Variants in VIT observed in about 807,000 individuals in gnomAD.
VIT encodes the protein vitrin.
A neutral mutation model predicts 78.0 loss-of-function variants in VIT; 99 were observed. The ratio of observed to expected loss-of-function variants is 1.27; its 90% CI spans 1.08 to 1.50. The LOEUF is 1.50. VIT is among the 40% of genes most tolerant of loss of function. VIT has a pLI of 0.00. For missense variants in VIT, 1,126 were observed against 875.3 expected, an observed-to-expected ratio of 1.29 and a Z score of -3.61; for synonymous variants, 374 against 334.3, an observed-to-expected ratio of 1.12 and a Z score of -1.29.
At position 36,704,098 on chromosome 2, in the gene VIT, G is replaced by A. The variant is rs1472561912; in HGVS notation, c.-19+7125G>A. Among the ~76,000 whole-genome samples the A allele has an allele frequency of 2.0e-5, 3 of 152,084 alleles. No homozygotes were observed. The East Asian group carries it at 5.8e-4, about 29-fold the overall frequency. On this transcript the variant is annotated intron_variant, in intron 1 of 15. Coordinates refer to ENST00000379242, the MANE Select transcript of VIT (RefSeq NM_053276.4). ...ACGCCACCATGCCTGGCTAATTTTT[G>A]TATTTTTAGTAGAGCTGGGGTTTCA... is the stretch of plus-strand genomic sequence containing the variant.
At chr2:36,782,681 T>C (rs973432832) in intron 10 of VIT, among the ~76,000 whole-genome samples, 1 of 152,184 alleles carries the variant, frequency 6.6e-6, no homozygotes, top group African/African-American at 2.4e-5. Context: ...TTGGCTCCCA[T>C]GTACATGGCT....
intron 3 of VIT, among the ~76,000 whole-genome samples, chr2:36,731,328 C>T (rs1667194814): frequency 6.6e-6 from 1 of 151,986 alleles, no homozygotes; most frequent in Non-Finnish European, 1.5e-5. Context: ...GGCTGGAGTG[C>T]AGTGGCGCAA....
At chr2:36,700,611 G>C (rs1242262568) in intron 1 of VIT, among the ~76,000 whole-genome samples, 2 of 152,016 alleles carry the variant, frequency 1.3e-5, no homozygotes, top group African/African-American at 4.8e-5. Flanking sequence ...GCATGGCTGT[G>C]CTCGCCTGTA....
At chr2:36,781,008 C>CT (rs1427335754) in intron 9 of VIT, among the ~76,000 whole-genome samples, 2 of 135,050 alleles carry the variant, frequency 1.5e-5, no homozygotes, top group Non-Finnish European at 3.2e-5. Flanking sequence ...CCCTCCACCC[C>CT]TTCTACTTCA....
intron 9 of VIT, 111 bp from the exon 10 acceptor site, chr2:36,781,616 T>A: frequency 8.1e-7 from 1 of 1,240,206 alleles, no homozygotes; most frequent in Non-Finnish European, 1.2e-6. Context: ...TGTTCCTTTA[T>A]TGAACTTTCA....
intron 1 of VIT, among the ~76,000 whole-genome samples, chr2:36,703,982 T>A (rs1665248487): frequency 6.9e-6 from 1 of 144,486 alleles, no homozygotes. Flanking sequence ...TGGAGTGCAG[T>A]GGCACGATCT....
At chr2:36,777,226 A>C (rs2148611747) in intron 9 of VIT, among the ~76,000 whole-genome samples, 1 of 151,704 alleles carries the variant, frequency 6.6e-6, no homozygotes, top group Middle Eastern at 3.4e-3. Flanking sequence ...AATAGATATA[A>C]CTCGTACAAA....
intron 14 of VIT, among the ~76,000 whole-genome samples, chr2:36,808,103 A>G (rs141429181): frequency 2.0e-5 from 3 of 152,318 alleles, no homozygotes; most frequent in East Asian, 1.9e-4. Context: ...TAGTCCTCTC[A>G]TGCCATGGTA....
In VIT at chr2:36,729,360, A is replaced by C. The variant is rs545178774; in HGVS notation, c.53-66A>C. On this transcript the variant is annotated intron_variant, in intron 2 of 15. Coordinates refer to ENST00000379242, the MANE Select transcript of VIT (RefSeq NM_053276.4). ...TTTGTGGATGATCGAAGCAAGTATG[A>C]GTCAAAAGAGAAAGAATTTAAGTAA... 26 of 1,388,436 alleles carry C rather than the reference A, an allele frequency of 1.9e-5. No homozygotes were observed. In the South Asian group the frequency reaches 3.4e-4, roughly 18 times the overall value. The allele number at this position is 1,388,436 out of a possible 1,614,324, so 86.0% of individuals were successfully genotyped here. A position where few individuals can be genotyped will look rare whatever the true frequency, so the allele number is the denominator to read the frequency against.
At chr2:36,751,286 C>T (rs1668445529) in intron 4 of VIT, among the ~76,000 whole-genome samples, 1 of 152,184 alleles carries the variant, frequency 6.6e-6, no homozygotes, top group Non-Finnish European at 1.5e-5. Flanking sequence ...ATGCCAGCTA[C>T]TCAGGAGGCT....
intron 7 of VIT, among the ~76,000 whole-genome samples, chr2:36,770,098 C>T (rs548095674): frequency 5.3e-5 from 8 of 152,172 alleles, no homozygotes; most frequent in Non-Finnish European, 1.2e-4. Context: ...GGTTCTAGAA[C>T]TGGTTGTGGA....
intron 5 of VIT, among the ~76,000 whole-genome samples, chr2:36,757,459 A>C (rs1461540804): frequency 2.8e-5 from 1 of 36,008 alleles, no homozygotes; most frequent in Non-Finnish European, 7.3e-5. Context: ...TCTGAATAGA[A>C]ACAGAAAAAA....
Position 36,814,376 on chromosome 2 carries a change from G to A in VIT, c.*15G>A, listed in dbSNP as rs748364122. On this transcript the variant is annotated 3_prime_UTR_variant, in exon 16 of 16. Transcript: ENST00000379242. ...CTCGGAACTGAATTCAGAGCAGGCAGAGCACCAGCAAGTGCTGCTTTACTA... is the reference window on the plus strand; with the variant it reads ...CTCGGAACTGAATTCAGAGCAGGCAAAGCACCAGCAAGTGCTGCTTTACTA... 2 of 1,613,388 alleles carry A rather than the reference G, an allele frequency of 1.2e-6. No individual in the cohort carries two copies. The highest frequency in any genetic ancestry group is 4.5e-5 in the East Asian group (2 of 44,878).
rs796187103 is a variant in VIT, at chr2:36,806,982, G to A, written c.1389+1318G>A. Among the ~76,000 whole-genome samples, 7 of 152,090 alleles carry A rather than the reference G, an allele frequency of 4.6e-5. No homozygotes were observed. In the East Asian group the frequency reaches 7.7e-4, roughly 17 times the overall value. ...ACAAGCCAAGTTCATCATCCTTCCC[G>A]CTGAACTGTTTCCTCCTCTGGACTT... On this transcript the variant is annotated intron_variant, in intron 14 of 15. Coordinates refer to ENST00000379242, the MANE Select transcript of VIT (RefSeq NM_053276.4).
Position 36,775,045 on chromosome 2 carries a change from T to G in VIT, c.780T>G (p.Pro260=), listed in dbSNP as rs1430503142. Residue 260 remains proline, a synonymous_variant, in exon 9 of 16, where the codon CCT becomes CCG. Coordinates refer to ENST00000379242, the MANE Select transcript of VIT (RefSeq NM_053276.4). ...QDPSGAAFQK[P]VGADVSLGEM... is the part of the protein sequence containing the mutation. Reference sequence around the variant, plus strand: ...CTTCAGGAGCTGCCTTCCAGAAACCTGTTGGAGCGGATGTCAGCCTGGGTA... The same window carrying G: ...CTTCAGGAGCTGCCTTCCAGAAACCGGTTGGAGCGGATGTCAGCCTGGGTA... The G allele has an allele frequency of 6.2e-7, 1 of 1,614,076 alleles. No individual in the cohort carries two copies. The highest frequency in any genetic ancestry group is 1.7e-5 in the Admixed American group (1 of 60,020).
Position 36,756,897 on chromosome 2 carries a change from T to C in VIT, c.409+1843T>C, listed in dbSNP as rs142267549. On this transcript the variant is annotated intron_variant, in intron 5 of 15. Transcript: ENST00000379242. ...TCTCAACAGAGGTTTAAAAGAAAAA[T>C]TAATTCTATGGCAGTAGAGATGTTT... 1.7e-3 allele frequency among the ~76,000 whole-genome samples: 265 copies of C among 152,258 alleles called. 3 individuals carry two copies. Among genetic ancestry groups the C allele is most frequent in the African/African-American group, 6.1e-3 (252 of 41,542 alleles).
At chr2:36,813,552 C>A (rs1444008867) in intron 15 of VIT, among the ~76,000 whole-genome samples, 1 of 152,112 alleles carries the variant, frequency 6.6e-6, no homozygotes, top group African/African-American at 2.4e-5. Flanking sequence ...ATCTTGGAAG[C>A]CTTTCTTCAT....
chr2:36,748,163 A>G (rs999762744), intron 4 of VIT, among the ~76,000 whole-genome samples: 2 of 152,038 alleles, frequency 1.3e-5, no homozygotes, highest in African/African-American at 4.8e-5. Flanking sequence ...TTTTTCTTTC[A>G]CTTTGACCTT....
chr2:36,808,614 T>C lies in VIT; in HGVS notation c.1532T>C (p.Ile511Thr). The C allele has an allele frequency of 6.2e-7, 1 of 1,614,194 alleles. No individual in the cohort carries two copies. The highest frequency in any genetic ancestry group is 8.5e-7 in the Non-Finnish European group (1 of 1,180,034). Residue 511 changes from isoleucine (I) to threonine (T), a missense_variant, in exon 15 of 16, where the codon ATT (isoleucine) becomes ACT (threonine). By Grantham distance (89) the Ile-to-Thr change is moderately conservative (BLOSUM62 -1). Transcript: ENST00000379242. Reference protein sequence around the residue: ...CSKTCLNSADIGFVIDGSSSV... With the variant: ...CSKTCLNSADTGFVIDGSSSV... ...AAGACCTGCTTGAACTCGGCTGACA[T>C]TGGCTTCGTCATCGACGGCTCCAGC...
Sources: allele counts gnomAD v4.1 joint callset (sites outside exome capture counted in the v4.1 genomes callset), GRCh38; gene constraint gnomAD v4.1.1; transcripts MANE v1.5; gene names NCBI Gene and HGNC (gene_info 2026-07-23, HGNC 2026-07-21).